Variants in GABRA2 observed in about 807,000 individuals in gnomAD.
GABRA2 encodes gamma-aminobutyric acid type A receptor subunit alpha2.
Under a neutral mutation model 48.7 loss-of-function variants are expected in GABRA2, and 16 were observed. That is an observed-to-expected ratio of 0.33 (90% CI 0.22 to 0.50). The LOEUF (loss-of-function observed/expected upper bound fraction) is 0.50, where lower values mean the gene tolerates loss of function less well. Among genes scored for constraint, GABRA2 ranks in the 20% least tolerant of loss-of-function variants. The pLI, the probability that GABRA2 is intolerant of heterozygous loss-of-function variation, is 0.98. For missense variants in GABRA2, 275 were observed against 535.6 expected, an observed-to-expected ratio of 0.51 and a Z score of 4.80; for synonymous variants, 185 against 184.5, an observed-to-expected ratio of 1.00 and a Z score of -0.02.
In GABRA2 at chr4:46,250,402, G is replaced by A; in HGVS notation, c.1262C>T (p.Ser421Phe). The change falls in exon 10 of 10, where the codon TCC becomes TTC. Residue 421 changes from serine (S) to phenylalanine (F), a missense_variant. Ser to Phe is a radical substitution (Grantham distance 155). Transcript: ENST00000381620. ...AAACAAAACTGGAAAAACTATTCTG[G>A]ACATTCTGTCAATTTTGCTAACACT... ...FNSVSKIDRMSRIVFPVLFGT... is the reference protein window; with the variant it reads ...FNSVSKIDRMFRIVFPVLFGT... 1 of 1,611,570 alleles carries A rather than the reference G, an allele frequency of 6.2e-7. No individual in the cohort carries two copies. Among genetic ancestry groups the A allele is most frequent in the Non-Finnish European group, 8.5e-7 (1 of 1,178,404 alleles).
intron 8 of GABRA2, among the ~76,000 whole-genome samples, chr4:46,265,231 T>C (rs1463517793): frequency 6.7e-6 from 1 of 149,422 alleles, no homozygotes; most frequent in African/African-American, 2.4e-5. Flanking sequence ...AGACAGGGTT[T>C]TGTCGTATTG....
chr4:46,298,852 G>T (rs75694122), intron 8 of GABRA2, among the ~76,000 whole-genome samples: 2,372 of 151,760 alleles, frequency 0.016, 64 homozygotes, highest in African/African-American at 0.055. Flanking sequence ...AAACTGTGTA[G>T]CAACTAAAAT....
At chr4:46,277,396 T>A (rs527834530) in intron 8 of GABRA2, among the ~76,000 whole-genome samples, 5 of 152,106 alleles carry the variant, frequency 3.3e-5, no homozygotes, top group Non-Finnish European at 7.4e-5. Flanking sequence ...CTGTTAGCAC[T>A]CCCAGCCCAT....
At chr4:46,367,284 C>T (rs1333154010) in intron 3 of GABRA2, 1 of 152,054 alleles carries the variant, frequency 6.6e-6, no homozygotes, top group Non-Finnish European at 1.5e-5. Context: ...ATAAGTAGCT[C>T]TCCAAAGCAC....
chr4:46,309,665 G>C (rs916833344), intron 6 of GABRA2, among the ~76,000 whole-genome samples: 1 of 151,906 alleles, frequency 6.6e-6, no homozygotes, highest in Non-Finnish European at 1.5e-5. Context: ...CATAGAAGGT[G>C]CCAGAATGTA....
intron 3 of GABRA2, among the ~76,000 whole-genome samples, chr4:46,356,963 G>A (rs764007771): frequency 6.4e-4 from 97 of 151,744 alleles, no homozygotes; most frequent in Non-Finnish European, 1.1e-3. Context: ...GAAGAGTTGT[G>A]TCCTGTTTTC....
chr4:46,389,203 C>G (rs1717899253), intron 1 of GABRA2: 2 of 988,232 alleles, frequency 2.0e-6, no homozygotes, highest in Non-Finnish European at 2.4e-6. Flanking sequence ...TAGGGGCAGG[C>G]AGCCCACTTT....
chr4:46,372,588 C>G (rs1715064369), intron 3 of GABRA2, among the ~76,000 whole-genome samples: 1 of 152,046 alleles, frequency 6.6e-6, no homozygotes, highest in Non-Finnish European at 1.5e-5. Flanking sequence ...AAAAATTAAC[C>G]CCCATTGAAG....
At chr4:46,289,289 A>G (rs9997059) in intron 8 of GABRA2, among the ~76,000 whole-genome samples, 1 of 152,056 alleles carries the variant, frequency 6.6e-6, no homozygotes, top group Non-Finnish European at 1.5e-5. Context: ...AATAGCAAAG[A>G]CATGGAATCA....
At position 46,390,045 on chromosome 4, in the gene GABRA2, G is replaced by A; in HGVS notation, c.-321C>T. ...AGGAGGAGGGGGAAAACGATGACAG[G>A]AGCTGGGGCCGGGGGGGGAAATTGG... On this transcript the variant is annotated 5_prime_UTR_variant, in exon 1 of 10. Transcript: ENST00000381620. 1.7e-5 allele frequency: 4 copies of A among 237,780 alleles called. No homozygotes were observed. Among genetic ancestry groups the A allele is most frequent in the Non-Finnish European group, 2.5e-5 (4 of 162,826 alleles). The allele number at this position is 237,780 out of a possible 1,614,324, so 14.7% of individuals were successfully genotyped here.
intron 3 of GABRA2, among the ~76,000 whole-genome samples, chr4:46,369,482 A>G (rs754826478): frequency 1.1e-4 from 16 of 152,114 alleles, no homozygotes; most frequent in Non-Finnish European, 2.4e-4. Context: ...TTATTTTCAG[A>G]TGGATATTTA....
At chr4:46,286,296 T>C (rs906699888) in intron 8 of GABRA2, among the ~76,000 whole-genome samples, 2 of 152,134 alleles carry the variant, frequency 1.3e-5, no homozygotes, top group African/African-American at 2.4e-5. Flanking sequence ...ATTCTCATTA[T>C]GGATAAATAA....
intron 8 of GABRA2, among the ~76,000 whole-genome samples, chr4:46,266,029 AC>A (rs1375794726): frequency 6.6e-6 from 1 of 151,796 alleles, no homozygotes; most frequent in African/African-American, 2.4e-5. Flanking sequence ...GTAAGAACAT[AC>A]TTTGTAATAA....
intron 8 of GABRA2, among the ~76,000 whole-genome samples, chr4:46,287,367 T>A (rs761388477): frequency 6.6e-6 from 1 of 152,082 alleles, no homozygotes; most frequent in Non-Finnish European, 1.5e-5. Flanking sequence ...CAGCTATCCA[T>A]GCTCATGGAT....
intron 3 of GABRA2, among the ~76,000 whole-genome samples, chr4:46,339,688 C>T (rs1560549202): frequency 1.3e-5 from 2 of 151,916 alleles, no homozygotes; most frequent in African/African-American, 2.4e-5. Context: ...TCCAGGACAT[C>T]GTAATCACTT....
chr4:46,276,263 C>G (rs1720490144), intron 8 of GABRA2, among the ~76,000 whole-genome samples: 1 of 152,042 alleles, frequency 6.6e-6, no homozygotes, highest in Admixed American at 6.6e-5. Flanking sequence ...ATTCTTCACT[C>G]AGATTACAGG....
chr4:46,346,235 A>G (rs977591338), intron 3 of GABRA2, among the ~76,000 whole-genome samples: 5 of 151,940 alleles, frequency 3.3e-5, no homozygotes, highest in African/African-American at 1.2e-4. Context: ...ATTAAATTAG[A>G]TAATAAAATT....
chr4:46,345,229 T>G (rs750382301), intron 3 of GABRA2, among the ~76,000 whole-genome samples: 2 of 151,952 alleles, frequency 1.3e-5, no homozygotes, highest in Non-Finnish European at 2.9e-5. Context: ...CCTGTGGGAC[T>G]GTGAGTCAAT....
chr4:46,269,026 T>C (rs1185415713), intron 8 of GABRA2, among the ~76,000 whole-genome samples: 1 of 151,942 alleles, frequency 6.6e-6, no homozygotes, highest in East Asian at 1.9e-4. Flanking sequence ...TGGTAGTCAC[T>C]AGAGGCTGTG....
Sources: gnomAD v4.1 joint callset for allele counts (sites outside exome capture counted in the v4.1 genomes callset) on GRCh38, gnomAD v4.1.1 for gene constraint, MANE v1.5 for transcripts, NCBI Gene and HGNC (gene_info 2026-07-23, HGNC 2026-07-21) for gene names.